GRID2: variants seen among roughly 807,000 people sequenced by gnomAD.
GRID2 encodes glutamate ionotropic receptor delta type subunit 2.
A neutral mutation model predicts 114.8 loss-of-function variants in GRID2; 33 were observed. The ratio of observed to expected loss-of-function variants is 0.29; its 90% CI spans 0.22 to 0.38. The LOEUF is 0.38. Ranked by LOEUF, GRID2 falls within the 10% of genes least tolerant of loss-of-function variation. The pLI, the probability that GRID2 is intolerant of heterozygous loss-of-function variation, is 1.00. For missense variants in GRID2, 1,184 were observed against 1,257.7 expected (o/e 0.94, Z 0.89); for synonymous variants, 505 against 449.9 (o/e 1.12, Z -1.55).
chr4:92,592,341 G>T (rs559238726), intron 2 of GRID2, among the ~76,000 whole-genome samples: 40 of 151,884 alleles, frequency 2.6e-4, no homozygotes, highest in Non-Finnish European at 4.7e-4. Context: ...TAAAAAAGTA[G>T]TAAGAAAAAA....
intron 2 of GRID2, among the ~76,000 whole-genome samples, chr4:92,913,777 G>T (rs976502480): frequency 1.3e-5 from 2 of 151,330 alleles, no homozygotes; most frequent in Admixed American, 6.6e-5. Context: ...ACGAAGAAAC[G>T]TTTCACTAAG....
At chr4:93,040,012 T>G (rs1457939562) in intron 2 of GRID2, among the ~76,000 whole-genome samples, 1 of 152,238 alleles carries the variant, frequency 6.6e-6, no homozygotes, top group Non-Finnish European at 1.5e-5. Flanking sequence ...GGAATTTAGT[T>G]GATCTCCCAA....
intron 1 of GRID2, among the ~76,000 whole-genome samples, chr4:92,452,984 G>T (rs1000775165): frequency 2.0e-5 from 3 of 150,234 alleles, no homozygotes; most frequent in Non-Finnish European, 4.4e-5. Flanking sequence ...TTATGCATTT[G>T]TTAGTCTATG....
chr4:93,720,834 C>A (rs191468813), intron 14 of GRID2, among the ~76,000 whole-genome samples: 71 of 152,304 alleles, frequency 4.7e-4, no homozygotes, highest in Admixed American at 7.2e-4. Context: ...TAGATACCTT[C>A]AATGGGTTTA....
At chr4:92,626,944 G>A (rs1730552501) in intron 2 of GRID2, among the ~76,000 whole-genome samples, 1 of 151,866 alleles carries the variant, frequency 6.6e-6, no homozygotes, top group African/African-American at 2.4e-5. Context: ...CAGGAGAAAA[G>A]GGAAACATAA....
chr4:93,390,428 A>G lies in GRID2; in HGVS notation c.1246-5179A>G, dbSNP rs142320645. On this transcript the variant is annotated intron_variant, in intron 8 of 15. Coordinates refer to ENST00000282020, the MANE Select transcript of GRID2 (RefSeq NM_001510.4). ...TTTCTTTAGTCTCAGTGTGTCATGA[A>G]CACTTCTAAACACTTAACATATTTT... Among the ~76,000 whole-genome samples, 855 of 152,318 alleles carry G rather than the reference A, an allele frequency of 5.6e-3. 15 individuals are homozygous for G. Among genetic ancestry groups the G allele is most frequent in the Non-Finnish European group, 3.4e-3 (231 of 68,036 alleles).
At chr4:93,412,746 C>T (rs1038284721) in intron 9 of GRID2, among the ~76,000 whole-genome samples, 1 of 152,080 alleles carries the variant, frequency 6.6e-6, no homozygotes, top group African/African-American at 2.4e-5. Flanking sequence ...TCTCCCTCCC[C>T]TTGCCTACCC....
chr4:92,478,133 C>A (rs560801693), intron 1 of GRID2, among the ~76,000 whole-genome samples: 25 of 151,972 alleles, frequency 1.6e-4, no homozygotes, highest in African/African-American at 2.2e-4. Context: ...ATTACCATAT[C>A]TTTGATTTTC....
chr4:92,411,219 C>G (rs1315607282), intron 1 of GRID2, among the ~76,000 whole-genome samples: 1 of 152,084 alleles, frequency 6.6e-6, no homozygotes, highest in African/African-American at 2.4e-5. Context: ...TGTACGTGAA[C>G]TGCTTTCATT....
At chr4:92,919,735 G>A (rs937701947) in intron 2 of GRID2, among the ~76,000 whole-genome samples, 13 of 152,142 alleles carry the variant, frequency 8.5e-5, no homozygotes, top group African/African-American at 3.1e-4. Context: ...TATAATTTCT[G>A]TTCTGTTACA....
chr4:92,948,541 G>A (rs1034841616), intron 2 of GRID2, among the ~76,000 whole-genome samples: 3 of 151,502 alleles, frequency 2.0e-5, no homozygotes, highest in African/African-American at 7.3e-5. Flanking sequence ...CCTTAAGAAT[G>A]ACTTATTTAA....
intron 2 of GRID2, among the ~76,000 whole-genome samples, chr4:92,878,937 A>G (rs17019988): frequency 0.03 from 4,558 of 152,226 alleles, 146 homozygotes; most frequent in East Asian, 0.076. Context: ...GTTGGTATAC[A>G]AAATGTTATT....
At chr4:93,216,215 C>T (rs1744190456) in intron 5 of GRID2, among the ~76,000 whole-genome samples, 1 of 151,614 alleles carries the variant, frequency 6.6e-6, no homozygotes, top group African/African-American at 2.4e-5. Context: ...TATCCTCTTG[C>T]TCTACTTGCC....
chr4:93,586,550 A>G (rs539257545), intron 13 of GRID2, among the ~76,000 whole-genome samples: 51 of 152,286 alleles, frequency 3.3e-4, no homozygotes, highest in African/African-American at 1.2e-3. Flanking sequence ...GACACTTGAC[A>G]TACATATATT....
intron 8 of GRID2, among the ~76,000 whole-genome samples, chr4:93,298,239 A>T (rs7684707): frequency 1.3e-5 from 2 of 152,064 alleles, no homozygotes; most frequent in African/African-American, 4.8e-5. Flanking sequence ...GTTAGTTCAA[A>T]CTATTATAAC....
intron 13 of GRID2, among the ~76,000 whole-genome samples, chr4:93,575,068 T>C (rs1445029089): frequency 6.6e-6 from 1 of 152,154 alleles, no homozygotes; most frequent in Non-Finnish European, 1.5e-5. Context: ...TCAGGGATCT[T>C]AGGAGAGCCT....
At chr4:92,903,362 C>G (rs1747719884) in intron 2 of GRID2, among the ~76,000 whole-genome samples, 1 of 151,898 alleles carries the variant, frequency 6.6e-6, no homozygotes, top group East Asian at 1.9e-4. Flanking sequence ...AAATTAATAT[C>G]CAATGCTCCT....
At chr4:93,582,314 C>T (rs1737060022) in intron 13 of GRID2, among the ~76,000 whole-genome samples, 1 of 152,066 alleles carries the variant, frequency 6.6e-6, no homozygotes, top group South Asian at 2.1e-4. Context: ...TTAAAAGGAC[C>T]CTTGTCCTTT....
At chr4:93,578,587 A>ATTTTTTT (rs59397408) in intron 13 of GRID2, among the ~76,000 whole-genome samples, 80 of 83,930 alleles carry the variant, frequency 9.5e-4, no homozygotes, top group African/African-American at 1.9e-3. Context: ...TGTTTTTTGT[A>ATTTTTTT]TTTTTTTTTT....
Sources: allele counts gnomAD v4.1 joint callset (sites outside exome capture counted in the v4.1 genomes callset), GRCh38; gene constraint gnomAD v4.1.1; transcripts MANE v1.5; gene names NCBI Gene and HGNC (gene_info 2026-07-23, HGNC 2026-07-21).